Variants in MYOM2 observed in about 807,000 individuals in gnomAD.
MYOM2 encodes the protein myomesin 2.
MYOM2 carries 254 observed loss-of-function variants against 187.6 expected under a neutral mutation model. That is an observed-to-expected ratio of 1.35 (90% CI 1.22 to 1.50). The LOEUF is 1.50. MYOM2 is among the 40% of genes most tolerant of loss of function. The pLI, the probability that MYOM2 is intolerant of heterozygous loss-of-function variation, is 0.00. For missense variants in MYOM2, 2,796 were observed against 1,924.0 expected, an observed-to-expected ratio of 1.45 and a Z score of -8.48; for synonymous variants, 981 against 753.8, an observed-to-expected ratio of 1.30 and a Z score of -4.94.
chr8:2,109,039 A>G (rs769801996), intron 24 of MYOM2, among the ~76,000 whole-genome samples: 3 of 152,224 alleles, frequency 2.0e-5, no homozygotes, highest in Non-Finnish European at 4.4e-5. Context: ...CACAGTGATT[A>G]GAATTTTGGG....
At chr8:2,105,112 C>T (rs534869959) in intron 21 of MYOM2, among the ~76,000 whole-genome samples, 15 of 152,134 alleles carry the variant, frequency 9.9e-5, no homozygotes, top group South Asian at 2.1e-4. Context: ...CTCCCAACAC[C>T]GTTGCACTGG....
At chr8:2,112,889 TC>T (rs1797113775) in intron 25 of MYOM2, among the ~76,000 whole-genome samples, 1 of 152,198 alleles carries the variant, frequency 6.6e-6, no homozygotes, top group South Asian at 2.1e-4. Flanking sequence ...GGAGTGTGGT[TC>T]CAAGGGCTGA....
chr8:2,063,445 C>G (rs1563422409), intron 6 of MYOM2, among the ~76,000 whole-genome samples: 1 of 152,190 alleles, frequency 6.6e-6, no homozygotes, highest in East Asian at 1.9e-4. Context: ...GTTTTATATG[C>G]TCATAAGATT....
intron 3 of MYOM2, among the ~76,000 whole-genome samples, chr8:2,053,090 G>A (rs1002517165): frequency 2.0e-5 from 3 of 152,042 alleles, no homozygotes; most frequent in Non-Finnish European, 4.4e-5. Flanking sequence ...ATCTCCCCCT[G>A]CTACTTCTGG....
At chr8:2,101,807 C>T (rs1345956477) in intron 20 of MYOM2, among the ~76,000 whole-genome samples, 8 of 152,136 alleles carry the variant, frequency 5.3e-5, no homozygotes, top group African/African-American at 1.4e-4. Context: ...TGATAAGCAC[C>T]ACACACAGAT....
At chr8:2,049,736 A>G (rs996265343) in intron 1 of MYOM2, among the ~76,000 whole-genome samples, 1 of 152,214 alleles carries the variant, frequency 6.6e-6, no homozygotes. Flanking sequence ...GAGATTTAGG[A>G]ATACGGTCCC....
chr8:2,064,646 C>G (rs186954664), intron 6 of MYOM2, among the ~76,000 whole-genome samples: 2 of 152,204 alleles, frequency 1.3e-5, no homozygotes, highest in African/African-American at 2.4e-5. Flanking sequence ...TGCTAATGCG[C>G]GAGGTTGCAC....
At chr8:2,126,597 C>A (rs939506948) in intron 31 of MYOM2, among the ~76,000 whole-genome samples, 1 of 152,146 alleles carries the variant, frequency 6.6e-6, no homozygotes. Flanking sequence ...GACTCATACA[C>A]AGGAGCCCTG....
intron 3 of MYOM2, among the ~76,000 whole-genome samples, chr8:2,055,973 C>A (rs1818651338): frequency 6.6e-6 from 1 of 152,200 alleles, no homozygotes; most frequent in Admixed American, 6.5e-5. Flanking sequence ...CCGCCTCCTT[C>A]CCAGGCCGTC....
intron 35 of MYOM2, 51 bp from the exon 36 acceptor site, chr8:2,143,350 G>T (rs144168941): frequency 4.3e-6 from 7 of 1,610,240 alleles, no homozygotes; most frequent in Non-Finnish European, 5.9e-6. Context: ...CTCCTGCTCC[G>T]TGGGAACGTC....
rs143931050 is a variant in MYOM2 at position 2,136,765 on chromosome 8, T to G, written c.3801-3958T>G. Among the ~76,000 whole-genome samples the G allele has an allele frequency of 4.3e-4, 66 of 152,298 alleles. 1 individual carries two copies. In the Middle Eastern group the frequency reaches 0.024, roughly 55 times the overall value. ...GTACCTTTTTCCCTTGTCACCTATATCAAAATAAAATTATGTTTCTTTTTC... is the reference window on the plus strand; with the variant it reads ...GTACCTTTTTCCCTTGTCACCTATAGCAAAATAAAATTATGTTTCTTTTTC... On this transcript the variant is annotated intron_variant, in intron 32 of 36. Transcript: ENST00000262113.
intron 14 of MYOM2, among the ~76,000 whole-genome samples, chr8:2,086,477 CATGATCTCTGTGTGGCCCCCCACT>C (rs1796071532): frequency 7.2e-6 from 1 of 138,120 alleles, no homozygotes; most frequent in Non-Finnish European, 1.6e-5. Context: ...CACACACTGT[CATGATCTCTGTGTGGCCCCCCACT>C]GTCGTGATCT....
chr8:2,073,430 G>C lies in MYOM2; in HGVS notation c.1050G>C (p.Glu350Asp). The C allele has an allele frequency of 1.2e-6, 2 of 1,613,000 alleles. No individual in the cohort carries two copies. The highest frequency in any genetic ancestry group is 2.2e-5 in the South Asian group (2 of 90,960). The change falls in exon 10 of 37, where the codon GAG becomes GAC. Residue 350 changes from glutamate (E) to aspartate (D), a missense_variant. By Grantham distance (45) the Glu-to-Asp change is conservative. Coordinates refer to ENST00000262113, the MANE Select transcript of MYOM2 (RefSeq NM_003970.4). Reference protein sequence around the residue: ...LSFSHLHKDDEGLYTLRIVSR... With the variant: ...LSFSHLHKDDDGLYTLRIVSR... Reference sequence around the variant, plus strand: ...TCAGCCACCTGCACAAGGACGACGAGGGCCTGTACACCCTGCGCATCGTGT... The same window carrying C: ...TCAGCCACCTGCACAAGGACGACGACGGCCTGTACACCCTGCGCATCGTGT...
intron 17 of MYOM2, among the ~76,000 whole-genome samples, chr8:2,094,915 C>T (rs1213307301): frequency 6.6e-6 from 1 of 152,154 alleles, no homozygotes; most frequent in Admixed American, 6.5e-5. Flanking sequence ...GTGCTGCAGC[C>T]TCGTGGCTTT....
At chr8:2,092,245 G>C in intron 15 of MYOM2, 101 bp from the exon 16 acceptor site, 4 of 1,385,468 alleles carry the variant, frequency 2.9e-6, no homozygotes, top group Non-Finnish European at 4.0e-6. Flanking sequence ...AAAGCCCCCA[G>C]TCTGGCTGTC....
At chr8:2,084,650 G>A (rs1253547021) in intron 13 of MYOM2, among the ~76,000 whole-genome samples, 1 of 152,182 alleles carries the variant, frequency 6.6e-6, no homozygotes, top group African/African-American at 2.4e-5. Flanking sequence ...ATCTCTGACT[G>A]CAAATATTCT....
At chr8:2,097,023 C>T (rs970190238) in intron 18 of MYOM2, 31 of 676,026 alleles carry the variant, frequency 4.6e-5, no homozygotes, top group Non-Finnish European at 5.3e-5. Context: ...CCCTTGACCC[C>T]TCATCTGAGC....
chr8:2,050,552 AT>A (rs1426213346), intron 1 of MYOM2, among the ~76,000 whole-genome samples: 6 of 152,252 alleles, frequency 3.9e-5, no homozygotes, highest in African/African-American at 1.2e-4. Flanking sequence ...AAAACAAAAA[AT>A]AAAGTTGGGT....
intron 14 of MYOM2, among the ~76,000 whole-genome samples, chr8:2,087,125 C>T (rs1202902556): frequency 1.4e-4 from 22 of 152,190 alleles, no homozygotes; most frequent in East Asian, 1.9e-4. Context: ...GACTTGGTGA[C>T]GACCCCCTGT....
Sources: allele counts gnomAD v4.1 joint callset (sites outside exome capture counted in the v4.1 genomes callset), GRCh38; gene constraint gnomAD v4.1.1; transcripts MANE v1.5; gene names NCBI Gene and HGNC (gene_info 2026-07-23, HGNC 2026-07-21).